Variants in MKKS observed in about 807,000 individuals in gnomAD.
MKKS encodes the protein molecular chaperone MKKS.
In MKKS, 29 loss-of-function variants were observed where a neutral mutation model predicts 33.2. The ratio of observed to expected loss-of-function variants is 0.87; its 90% CI spans 0.65 to 1.19. The LOEUF is 1.19. Among genes scored for constraint, MKKS ranks in the 50% most tolerant of loss-of-function variants. The pLI is 0.00. For synonymous variants in MKKS, 260 were observed against 244.0 expected (o/e 1.07, Z -0.61); for missense variants, 661 against 662.3 (o/e 1.00, Z 0.02).
chr20:10,412,666 T>G lies in MKKS; in HGVS notation c.849A>C (p.Leu283=). 1 of 1,614,190 alleles carries G rather than the reference T, an allele frequency of 6.2e-7. No homozygotes were observed. Among genetic ancestry groups the G allele is most frequent in the Non-Finnish European group, 8.5e-7 (1 of 1,180,028 alleles). ...GGACAAGATCTACGTGGTCACTGATTAGCTGCCTTCCTAGGTTAAGCAGCT... is the reference window on the plus strand; with the variant it reads ...GGACAAGATCTACGTGGTCACTGATGAGCTGCCTTCCTAGGTTAAGCAGCT... ...LDQLLNLGRQ[L]ISDHVDLVLC... is the part of the protein sequence containing the mutation. The change falls in exon 3 of 6, where the codon CTA becomes CTC. Residue 283 remains leucine (L), a synonymous_variant. Transcript: ENST00000347364.
intron 1 of MKKS, chr20:10,431,739 C>T (rs1476056768): frequency 6.6e-6 from 1 of 152,190 alleles, no homozygotes; most frequent in African/African-American, 2.4e-5. Context: ...CACTGCCACC[C>T]ACGATAACAG....
intron 5 of MKKS, 79 bp from the exon 6 acceptor site, chr20:10,405,766 C>A (rs1600843438): frequency 7.9e-7 from 1 of 1,267,364 alleles, no homozygotes; most frequent in East Asian, 2.5e-5. Flanking sequence ...ATACTGAAAT[C>A]AAAATCTTAT....
At chr20:10,424,417 A>T (rs6039919) in intron 1 of MKKS, among the ~76,000 whole-genome samples, 20,966 of 151,884 alleles carry the variant, frequency 0.14, 1,610 homozygotes, top group East Asian at 0.24. Flanking sequence ...ATATATTTTT[A>T]AAAAATGACA....
chr20:10,416,690 GTTCCAGC>G (rs2064941287), intron 2 of MKKS, among the ~76,000 whole-genome samples: 1 of 152,190 alleles, frequency 6.6e-6, no homozygotes, highest in Non-Finnish European at 1.5e-5. Flanking sequence ...ATGGAAAGTT[GTTCCAGC>G]TAATAAATGG....
chr20:10,424,286 T>G (rs6133924), intron 1 of MKKS, among the ~76,000 whole-genome samples: 1 of 151,968 alleles, frequency 6.6e-6, no homozygotes, highest in African/African-American at 2.4e-5. Context: ...CCAGGCACAG[T>G]GGCTCACACC....
chr20:10,412,641 G>A lies in MKKS; in HGVS notation c.874C>T (p.Leu292=), dbSNP rs758645426. 4.4e-5 allele frequency: 71 copies of A among 1,613,996 alleles called. No homozygotes were observed. Among genetic ancestry groups the A allele is most frequent in the Non-Finnish European group, 3.4e-5 (40 of 1,180,018 alleles). ...GATGGATGTATAACTTTTTGGCACA[G>A]GACAAGATCTACGTGGTCACTGATT... ...QLISDHVDLV[L]CQKVIHPSLK... The change falls in exon 3 of 6, where the codon CTG becomes TTG. Residue 292 remains leucine, a synonymous_variant. Transcript: ENST00000347364.
At position 10,417,984 on chromosome 20, in the gene MKKS, C is replaced by T. The variant is rs548689043; in HGVS notation, c.-418+2544G>A. Among the ~76,000 whole-genome samples the T allele has an allele frequency of 1.2e-3, 185 of 152,284 alleles. 1 individual carries two copies. Among genetic ancestry groups the T allele is most frequent in the African/African-American group, 4.3e-3 (179 of 41,572 alleles). On this transcript the variant is annotated intron_variant, in intron 2 of 5. Coordinates refer to ENST00000347364, the MANE Select transcript of MKKS (RefSeq NM_170784.3). ...TATCTATCAAATGCAATACGTAGAC[C>T]TTGTTTGGATCCTGATTCCAACAAA...
chr20:10,407,085 T>A (rs1486576589), intron 5 of MKKS, among the ~76,000 whole-genome samples: 1 of 152,182 alleles, frequency 6.6e-6, no homozygotes, highest in African/African-American at 2.4e-5. Context: ...GTATAATTAA[T>A]AAATAACATA....
chr20:10,413,027 G>A lies in MKKS; in HGVS notation c.488C>T (p.Ala163Val). 4 of 1,613,978 alleles carry A rather than the reference G, an allele frequency of 2.5e-6. No individual in the cohort carries two copies. Among genetic ancestry groups the A allele is most frequent in the Non-Finnish European group, 3.4e-6 (4 of 1,180,040 alleles). ...TGTTTCCTTTCTGGTGAGCATACAG[G>A]CAGGTTTACTTGTTAATATACTACG... is the stretch of plus-strand genomic sequence containing the variant. ...LVRSILTSKPACMLTRKETEH... is the reference protein window; with the variant it reads ...LVRSILTSKPVCMLTRKETEH... Residue 163 changes from alanine (A) to valine (V), a missense_variant, in exon 3 of 6, where the codon GCC becomes GTC. Coordinates refer to ENST00000347364, the MANE Select transcript of MKKS (RefSeq NM_170784.3).
chr20:10,417,416 G>A (rs1486499854), intron 2 of MKKS, among the ~76,000 whole-genome samples: 1 of 152,120 alleles, frequency 6.6e-6, no homozygotes, highest in South Asian at 2.1e-4. Context: ...TTTGAGACCA[G>A]CCTGGGCAAC....
chr20:10,410,990 TTTGG>T (rs1180057868), intron 3 of MKKS, among the ~76,000 whole-genome samples: 3 of 150,972 alleles, frequency 2.0e-5, no homozygotes, highest in Non-Finnish European at 2.9e-5. Context: ...CGGGAAAATG[TTTGG>T]TTTTTTTTTT....
In MKKS at chr20:10,404,110, CTA is replaced by C. The variant is rs908073823; in HGVS notation, c.*1135_*1136del. On this transcript the variant is annotated 3_prime_UTR_variant, in exon 6 of 6. Coordinates refer to ENST00000347364, the MANE Select transcript of MKKS (RefSeq NM_170784.3). ...CCATGCTTATTCATGTGGCTGCCTTCTATATTTCTTCTTCAATTTATCAATAC... is the reference window on the plus strand; with the variant it reads ...CCATGCTTATTCATGTGGCTGCCTTCTATTTCTTCTTCAATTTATCAATAC... The C allele has an allele frequency of 2.2e-4, 34 of 152,128 alleles. No individual in the cohort carries two copies. Among genetic ancestry groups the C allele is most frequent in the Non-Finnish European group, 4.3e-4 (29 of 68,020 alleles). 9.4% of individuals were successfully genotyped at this position (152,128 alleles called of 1,614,324 possible). A position where few individuals can be genotyped will look rare whatever the true frequency, so the allele number is the denominator to read the frequency against.
At chr20:10,432,689 G>A (rs141619085) in intron 1 of MKKS, among the ~76,000 whole-genome samples, 12 of 149,578 alleles carry the variant, frequency 8.0e-5, no homozygotes, top group African/African-American at 2.7e-4. Context: ...AAACTTCTCC[G>A]GAGGCTAAGG....
At chr20:10,418,424 G>A (rs2064956396) in intron 2 of MKKS, among the ~76,000 whole-genome samples, 1 of 152,094 alleles carries the variant, frequency 6.6e-6, no homozygotes, top group African/African-American at 2.4e-5. Flanking sequence ...ATGAAAATAA[G>A]AATAGAAAAT....
chr20:10,428,231 T>C (rs1383496408), intron 1 of MKKS, among the ~76,000 whole-genome samples: 1 of 152,162 alleles, frequency 6.6e-6, no homozygotes, highest in African/African-American at 2.4e-5. Flanking sequence ...CCTTTCACTG[T>C]TTTTACACCC....
chr20:10,408,559 C>A lies in MKKS; in HGVS notation c.1161+69G>T, dbSNP rs1272649205. On this transcript the variant is annotated intron_variant, in intron 4 of 5. Transcript: ENST00000347364. ...CCTAGGGAAGCTACGAAAAAAAAAT[C>A]ATAATAACTATTGAGTGACTAATTC... The A allele has an allele frequency of 9.1e-6, 14 of 1,534,930 alleles. No homozygotes were observed. The South Asian group carries it at 1.3e-4, about 15-fold the overall frequency.
chr20:10,415,288 A>C (rs6131089), intron 2 of MKKS, among the ~76,000 whole-genome samples: 1 of 152,078 alleles, frequency 6.6e-6, no homozygotes, highest in Non-Finnish European at 1.5e-5. Flanking sequence ...AAATGAAACA[A>C]ATCTATTTAG....
Position 10,403,094 on chromosome 20 carries a change from T to C in MKKS, c.*2153A>G, listed in dbSNP as rs2064819014. ...GCTTCCAAATTCACTCTTGTGGTTA[T>C]TGGTACGATTCAGTTCCTTTTGAGC... On this transcript the variant is annotated 3_prime_UTR_variant, in exon 6 of 6. Coordinates refer to ENST00000347364, the MANE Select transcript of MKKS (RefSeq NM_170784.3). 2 of 152,216 alleles carry C rather than the reference T, an allele frequency of 1.3e-5. No homozygotes were observed. The highest frequency in any genetic ancestry group is 1.5e-5 in the Non-Finnish European group (1 of 68,052). 9.4% of individuals were successfully genotyped at this position (152,216 alleles called of 1,614,324 possible).
rs1401023419 is a variant in MKKS, at chr20:10,432,815, AT to A, written c.-649+1292del. ...AAAAAAAAAAAAAAAAAAAAAAAAA[AT>A]CGTGTAGTTTTGTACACAACTTGCC... On this transcript the variant is annotated intron_variant, in intron 1 of 5. Coordinates refer to ENST00000347364, the MANE Select transcript of MKKS (RefSeq NM_170784.3). 9.4e-5 allele frequency among the ~76,000 whole-genome samples: 14 copies of A among 149,602 alleles called. 1 individual carries two copies. Among genetic ancestry groups the A allele is most frequent in the East Asian group, 6.0e-4 (3 of 5,036 alleles).
Sources: gnomAD v4.1 joint callset for allele counts (sites outside exome capture counted in the v4.1 genomes callset) on GRCh38, gnomAD v4.1.1 for gene constraint, MANE v1.5 for transcripts, NCBI Gene and HGNC (gene_info 2026-07-23, HGNC 2026-07-21) for gene names.